The following PARD3B variants were observed in gnomAD, a reference collection of about 807,000 sequenced individuals.
The protein encoded by PARD3B is partitioning defective 3 homolog B.
A neutral mutation model predicts 130.2 loss-of-function variants in PARD3B; 103 were observed. That is an observed-to-expected ratio of 0.79 (90% CI 0.67 to 0.93). PARD3B has a LOEUF of 0.93. Among genes scored for constraint, PARD3B ranks in the 40% least tolerant of loss-of-function variants. The pLI is 0.00. For synonymous variants in PARD3B, 583 were observed against 553.2 expected, an observed-to-expected ratio of 1.05 and a Z score of -0.76; for missense variants, 1,609 against 1,499.2, an observed-to-expected ratio of 1.07 and a Z score of -1.21.
At chr2:204,622,613 A>G (rs1022656541) in intron 1 of PARD3B, among the ~76,000 whole-genome samples, 2 of 151,746 alleles carry the variant, frequency 1.3e-5, no homozygotes, top group Non-Finnish European at 2.9e-5. Flanking sequence ...ATATACTACT[A>G]TTATATAGCC....
At chr2:205,363,974 C>G (rs2044500488) in intron 18 of PARD3B, among the ~76,000 whole-genome samples, 1 of 151,324 alleles carries the variant, frequency 6.6e-6, no homozygotes, top group Non-Finnish European at 1.5e-5. Context: ...GTCTCTGGAG[C>G]CTCTTTTCCT....
At chr2:205,139,287 C>G (rs997508300) in intron 10 of PARD3B, among the ~76,000 whole-genome samples, 3 of 152,038 alleles carry the variant, frequency 2.0e-5, no homozygotes, top group African/African-American at 7.3e-5. Flanking sequence ...TGTACCCACA[C>G]CCACAGTCAT....
intron 1 of PARD3B, among the ~76,000 whole-genome samples, chr2:204,554,202 A>C (rs530752996): frequency 6.6e-6 from 1 of 152,158 alleles, no homozygotes; most frequent in South Asian, 2.1e-4. Context: ...CTCAATTCTT[A>C]AGTCTCCACC....
At chr2:204,795,347 G>C (rs1436384285) in intron 2 of PARD3B, among the ~76,000 whole-genome samples, 1 of 152,156 alleles carries the variant, frequency 6.6e-6, no homozygotes, top group African/African-American at 2.4e-5. Flanking sequence ...GAGTCATTTT[G>C]TTATATATGG....
At position 205,554,910 on chromosome 2, in the gene PARD3B, G is replaced by A. The variant is rs1341883732; in HGVS notation, c.3260+1507G>A. On this transcript the variant is annotated intron_variant, in intron 22 of 22. Transcript: ENST00000406610. Reference sequence around the variant, plus strand: ...AGGACTTGAGCATCTGTGGATTCTGGTATCTGAGGTCGGGGGCTGGGGTGC... The same window carrying A: ...AGGACTTGAGCATCTGTGGATTCTGATATCTGAGGTCGGGGGCTGGGGTGC... 5.3e-5 allele frequency among the ~76,000 whole-genome samples: 8 copies of A among 152,278 alleles called. No homozygotes were observed. In the East Asian group the frequency reaches 1.5e-3, roughly 29 times the overall value.
At chr2:204,728,228 T>C (rs1250452807) in intron 2 of PARD3B, among the ~76,000 whole-genome samples, 1 of 152,102 alleles carries the variant, frequency 6.6e-6, no homozygotes, top group African/African-American at 2.4e-5. Context: ...ATCCATTTAT[T>C]TACAGTTTAT....
intron 4 of PARD3B, among the ~76,000 whole-genome samples, chr2:205,070,431 A>G (rs1327939774): frequency 6.6e-6 from 1 of 151,892 alleles, no homozygotes; most frequent in Non-Finnish European, 1.5e-5. Context: ...TGTTCATGAC[A>G]TTGACTTGCA....
chr2:205,352,820 G>T lies in PARD3B; in HGVS notation c.2631-48193G>T, dbSNP rs1165995305. On this transcript the variant is annotated intron_variant, in intron 18 of 22. Coordinates refer to ENST00000406610, the MANE Select transcript of PARD3B (RefSeq NM_001302769.2). The surrounding 1 kb of genome is among the most constrained non-coding windows in gnomAD (Gnocchi z 5.2). ...GGCTGCTGATTCATCTGTTTTCATT[G>T]CTGTCATGAAAACCAGTCTGCATTT... 6.6e-6 allele frequency among the ~76,000 whole-genome samples: 1 copy of T among 152,016 alleles called. No homozygotes were observed. Among genetic ancestry groups the T allele is most frequent in the Non-Finnish European group, 1.5e-5 (1 of 68,012 alleles).
At chr2:205,081,298 G>A (rs1336538739) in intron 4 of PARD3B, among the ~76,000 whole-genome samples, 1 of 151,188 alleles carries the variant, frequency 6.6e-6, no homozygotes, top group Non-Finnish European at 1.5e-5. Context: ...TTTTTCTGTG[G>A]CATAATCTAG....
intron 2 of PARD3B, among the ~76,000 whole-genome samples, chr2:204,813,150 A>G (rs904765353): frequency 2.0e-5 from 3 of 152,214 alleles, no homozygotes; most frequent in African/African-American, 7.2e-5. Context: ...AAGTGGTTGT[A>G]CAATTTTTAC....
intron 3 of PARD3B, among the ~76,000 whole-genome samples, chr2:205,043,346 GA>G (rs1698521587): frequency 6.6e-6 from 1 of 151,892 alleles, no homozygotes; most frequent in South Asian, 2.1e-4. Context: ...TTACATACCA[GA>G]CAGTTCCATG....
At chr2:205,493,324 G>A (rs1024110305) in intron 20 of PARD3B, among the ~76,000 whole-genome samples, 3 of 152,032 alleles carry the variant, frequency 2.0e-5, no homozygotes, top group Admixed American at 1.3e-4. Flanking sequence ...CAAAAACAAA[G>A]AACACTCCCC....
Position 205,524,047 on chromosome 2 carries a change from T to C in PARD3B, c.3180+24016T>C, listed in dbSNP as rs541338452. Among the ~76,000 whole-genome samples, 31 of 152,236 alleles carry C rather than the reference T, an allele frequency of 2.0e-4. No individual in the cohort carries two copies. The South Asian group carries it at 6.0e-3, about 30-fold the overall frequency. On this transcript the variant is annotated intron_variant, in intron 21 of 22. Coordinates refer to ENST00000406610, the MANE Select transcript of PARD3B (RefSeq NM_001302769.2). ...TTCTATTATCTTTAGGTTTTTAATA[T>C]TGATGAAGGAGAAATCTGAGGCTTA...
intron 1 of PARD3B, among the ~76,000 whole-genome samples, chr2:204,653,333 C>T (rs1180178095): frequency 6.7e-6 from 1 of 150,354 alleles, no homozygotes; most frequent in Admixed American, 6.6e-5. Flanking sequence ...TCATTGTAAC[C>T]CCTTCTGTTA....
At chr2:204,898,276 C>A (rs1382647770) in intron 2 of PARD3B, among the ~76,000 whole-genome samples, 1 of 151,506 alleles carries the variant, frequency 6.6e-6, no homozygotes, top group African/African-American at 2.4e-5. Flanking sequence ...GAGTATCCAT[C>A]CCTTGTAGCA....
At chr2:205,475,999 T>C (rs187072214) in intron 20 of PARD3B, among the ~76,000 whole-genome samples, 1 of 152,280 alleles carries the variant, frequency 6.6e-6, no homozygotes, top group East Asian at 1.9e-4. Flanking sequence ...CACAGGAAAA[T>C]AGATTATCTG....
chr2:205,133,052 C>A (rs141738783), intron 10 of PARD3B, among the ~76,000 whole-genome samples: 81 of 152,058 alleles, frequency 5.3e-4, no homozygotes, highest in African/African-American at 2.0e-3. Context: ...CTGTACAATT[C>A]TTTTAAACCA....
At chr2:204,994,848 C>T (rs1164827127) in intron 3 of PARD3B, among the ~76,000 whole-genome samples, 2 of 151,584 alleles carry the variant, frequency 1.3e-5, no homozygotes, top group East Asian at 1.9e-4. Context: ...CCTTCTTTGT[C>T]TCTTTTGATC....
At chr2:205,602,663 G>A (rs759918397) in intron 22 of PARD3B, among the ~76,000 whole-genome samples, 1 of 152,180 alleles carries the variant, frequency 6.6e-6, no homozygotes, top group Admixed American at 6.5e-5. Context: ...GCATAGAGCT[G>A]TTTATAGCAT....
Sources: gnomAD v4.1 joint callset for allele counts (sites outside exome capture counted in the v4.1 genomes callset) on GRCh38, gnomAD v4.1.1 for gene constraint, Gnocchi (gnomAD v3.1) non-coding constraint, MANE v1.5 for transcripts, NCBI Gene and HGNC (gene_info 2026-07-23, HGNC 2026-07-21) for gene names.